RAB27A: variants seen among roughly 807,000 people sequenced by gnomAD.
RAB27A encodes the protein RAB27A, member RAS oncogene family, also known as ras-related protein Rab-27A.
A neutral mutation model predicts 20.8 loss-of-function variants in RAB27A; 17 were observed. The observed-to-expected ratio is 0.82, with a 90% CI of 0.56 to 1.23. The LOEUF (loss-of-function observed/expected upper bound fraction) is 1.23. RAB27A is among the 50% of genes most tolerant of loss of function. RAB27A has a pLI of 0.00. For synonymous variants in RAB27A, 85 were observed against 92.8 expected, an observed-to-expected ratio of 0.92 and a Z score of 0.48; for missense variants, 277 against 266.7, an observed-to-expected ratio of 1.04 and a Z score of -0.27.
chr15:55,207,232 C>A (rs944711328), intron 6 of RAB27A, among the ~76,000 whole-genome samples: 1 of 152,124 alleles, frequency 6.6e-6, no homozygotes, highest in South Asian at 2.1e-4. Flanking sequence ...GAAAATAAGA[C>A]GGTAATATCT....
Position 55,244,318 on chromosome 15 carries a change from A to AAAAC in RAB27A, c.-22-9366_-22-9363dup, listed in dbSNP as rs1194231463. Among the ~76,000 whole-genome samples the AAAAC allele has an allele frequency of 3.3e-5, 5 of 152,194 alleles. No homozygotes were observed. The South Asian group carries it at 6.2e-4, about 19-fold the overall frequency. On this transcript the variant is annotated intron_variant, in intron 2 of 6. Coordinates refer to ENST00000336787, the MANE Select transcript of RAB27A (RefSeq NM_183235.3). ...AGACAGAGGGAGACTCCATCTCAAA[A>AAAAC]AAACAAACAAACAAACAAAACAAAA...
intron 6 of RAB27A, among the ~76,000 whole-genome samples, chr15:55,218,817 A>T (rs548580034): frequency 1.2e-4 from 18 of 149,242 alleles, no homozygotes; most frequent in African/African-American, 4.2e-4. Context: ...ATCTTGGCTC[A>T]CTGCAACCTC....
At chr15:55,211,042 G>C (rs1487289515) in intron 6 of RAB27A, among the ~76,000 whole-genome samples, 1 of 151,944 alleles carries the variant, frequency 6.6e-6, no homozygotes, top group African/African-American at 2.4e-5. Context: ...TCTGTTCTTG[G>C]TACTTTTGTC....
intron 2 of RAB27A, among the ~76,000 whole-genome samples, chr15:55,296,307 C>T (rs2054949330): frequency 1.3e-5 from 2 of 151,642 alleles, no homozygotes; most frequent in South Asian, 4.2e-4. Context: ...ACCAGCCTGG[C>T]CAACAGGGTG....
intron 2 of RAB27A, among the ~76,000 whole-genome samples, chr15:55,255,616 C>A (rs1259468033): frequency 6.6e-6 from 1 of 152,214 alleles, no homozygotes; most frequent in African/African-American, 2.4e-5. Context: ...GGGGACTCCA[C>A]TGATAGCTGT....
chr15:55,234,951 G>T lies in RAB27A; in HGVS notation c.-17C>A. 1 of 1,606,316 alleles carries T rather than the reference G, an allele frequency of 6.2e-7. No individual in the cohort carries two copies. The highest frequency in any genetic ancestry group is 8.5e-7 in the Non-Finnish European group (1 of 1,176,010). ...ATCAGACATAATGAAGAACTCAGTAGTTCACCTGTAAAATACACACAAAAT... is the reference window on the plus strand; with the variant it reads ...ATCAGACATAATGAAGAACTCAGTATTTCACCTGTAAAATACACACAAAAT... On this transcript the variant is annotated 5_prime_UTR_variant, in exon 3 of 7. Transcript: ENST00000336787.
intron 2 of RAB27A, among the ~76,000 whole-genome samples, chr15:55,304,272 G>A (rs559860584): frequency 1.4e-4 from 21 of 150,594 alleles, no homozygotes; most frequent in Non-Finnish European, 2.2e-4. Flanking sequence ...CAGCATGCTC[G>A]TTAAGAGTCA....
chr15:55,257,469 G>A (rs1399495136), intron 2 of RAB27A, among the ~76,000 whole-genome samples: 1 of 152,204 alleles, frequency 6.6e-6, no homozygotes, highest in African/African-American at 2.4e-5. Context: ...CAATTACACA[G>A]GACATGATGG....
chr15:55,266,851 A>C (rs2141087076), intron 2 of RAB27A, among the ~76,000 whole-genome samples: 1 of 152,356 alleles, frequency 6.6e-6, no homozygotes, highest in East Asian at 1.9e-4. Flanking sequence ...CTCATGTCTG[A>C]GGGACATCAA....
intron 2 of RAB27A, among the ~76,000 whole-genome samples, chr15:55,305,482 G>T (rs1029899236): frequency 1.3e-5 from 2 of 152,178 alleles, no homozygotes; most frequent in African/African-American, 4.8e-5. Flanking sequence ...TTAACAAGGA[G>T]GTTAAAGATA....
chr15:55,258,547 G>A (rs1897164126), intron 2 of RAB27A, among the ~76,000 whole-genome samples: 1 of 152,180 alleles, frequency 6.6e-6, no homozygotes, highest in Non-Finnish European at 1.5e-5. Context: ...TCTAGGGTAG[G>A]CGTCAAAGCG....
chr15:55,239,682 C>T (rs752107407), intron 2 of RAB27A, among the ~76,000 whole-genome samples: 8 of 152,144 alleles, frequency 5.3e-5, no homozygotes, highest in East Asian at 1.9e-4. Flanking sequence ...AATGAAGATT[C>T]TGATTGGGGA....
chr15:55,251,336 A>C (rs1198066794), intron 2 of RAB27A, among the ~76,000 whole-genome samples: 1 of 152,188 alleles, frequency 6.6e-6, no homozygotes, highest in East Asian at 1.9e-4. Flanking sequence ...TCATTGCGTC[A>C]TTCCTGGGGA....
intron 2 of RAB27A, among the ~76,000 whole-genome samples, chr15:55,269,504 T>C (rs1316468782): frequency 6.6e-6 from 1 of 152,188 alleles, no homozygotes; most frequent in East Asian, 1.9e-4. Context: ...CCCAGCACTT[T>C]GGGAGGCCCA....
rs1894609146 is a variant in RAB27A, at chr15:55,205,638, CCAGAAG to C, written c.529_534del (p.Leu177_Leu178del). ...CGTTCCATTCGCTTCATTATCAGGT[CCAGAAG>C]CATCTCAATTGCTTGGCTTATGTTT... On this transcript the variant is annotated inframe_deletion, in exon 7 of 7. Transcript: ENST00000336787. 8.7e-6 allele frequency: 14 copies of C among 1,614,026 alleles called. No individual in the cohort carries two copies. Among genetic ancestry groups the C allele is most frequent in the Non-Finnish European group, 1.2e-5 (14 of 1,179,960 alleles).
chr15:55,214,449 CAACAACAAA>C (rs1895186032), intron 6 of RAB27A, among the ~76,000 whole-genome samples: 1 of 152,148 alleles, frequency 6.6e-6, no homozygotes, highest in Non-Finnish European at 1.5e-5. Flanking sequence ...ACAACAACAA[CAACAACAAA>C]AACTGGTTGA....
intron 3 of RAB27A, among the ~76,000 whole-genome samples, chr15:55,232,180 T>C (rs1340090892): frequency 6.6e-6 from 1 of 152,196 alleles, no homozygotes; most frequent in African/African-American, 2.4e-5. Flanking sequence ...GCTAAGAGAC[T>C]TATTAGTTCA....
rs566805935 is a variant in RAB27A, at chr15:55,203,957, G to A, written c.*1550C>T. On this transcript the variant is annotated 3_prime_UTR_variant, in exon 7 of 7. Transcript: ENST00000336787. The stretch of plus-strand genomic sequence containing the variant: ...CCTTTTTTAAAAATAAATTTAGGGG[G>A]TACAAGTACAGTTTAGATACATGAA... 6.6e-6 allele frequency: 1 copy of A among 152,148 alleles called. No individual in the cohort carries two copies. Among genetic ancestry groups the A allele is most frequent in the Non-Finnish European group, 1.5e-5 (1 of 67,998 alleles). The allele number at this position is 152,148 out of a possible 1,614,324, so 9.4% of individuals were successfully genotyped here. A position where few individuals can be genotyped will look rare whatever the true frequency, so the allele number is the denominator to read the frequency against.
Position 55,267,073 on chromosome 15 carries a change from G to T in RAB27A, c.-23+3092C>A, listed in dbSNP as rs541221430. Among the ~76,000 whole-genome samples the T allele has an allele frequency of 1.7e-4, 26 of 152,320 alleles. No individual in the cohort carries two copies. In the South Asian group the frequency reaches 2.3e-3, roughly 13 times the overall value. Reference sequence around the variant, plus strand: ...GAAGGAGATTTTTCAAGCAGTGATTGTCCACAGGCTGGCTCAGTTGCCACA... The same window carrying T: ...GAAGGAGATTTTTCAAGCAGTGATTTTCCACAGGCTGGCTCAGTTGCCACA... On this transcript the variant is annotated intron_variant, in intron 2 of 6. Coordinates refer to ENST00000336787, the MANE Select transcript of RAB27A (RefSeq NM_183235.3).
Sources: gnomAD v4.1 joint callset for allele counts (sites outside exome capture counted in the v4.1 genomes callset) on GRCh38, gnomAD v4.1.1 for gene constraint, MANE v1.5 for transcripts, NCBI Gene and HGNC (gene_info 2026-07-23, HGNC 2026-07-21) for gene names.